CNKSR3: variants seen among roughly 807,000 people sequenced by gnomAD.
The protein encoded by CNKSR3 is connector enhancer of kinase suppressor of ras 3.
CNKSR3 carries 36 observed loss-of-function variants against 67.7 expected under a neutral mutation model. The ratio of observed to expected loss-of-function variants is 0.53; its 90% CI spans 0.41 to 0.70. CNKSR3 has a LOEUF of 0.70. CNKSR3 is among the 30% of genes least tolerant of loss of function. CNKSR3 has a pLI of 0.00. For missense variants in CNKSR3, 630 were observed against 695.2 expected (o/e 0.91, Z 1.05); for synonymous variants, 281 against 271.4 (o/e 1.04, Z -0.35).
chr6:154,420,455 C>T (rs9478540), intron 9 of CNKSR3, among the ~76,000 whole-genome samples: 20,411 of 151,618 alleles, frequency 0.13, 1,527 homozygotes, highest in East Asian at 0.24. Flanking sequence ...TTTGGGAGGC[C>T]GAGGCGGGCG....
intron 1 of CNKSR3, among the ~76,000 whole-genome samples, chr6:154,494,312 G>T (rs1406443554): frequency 6.6e-6 from 1 of 152,130 alleles, no homozygotes; most frequent in African/African-American, 2.4e-5. Context: ...TCACTATCAT[G>T]AGAATAGCAT....
chr6:154,451,479 ACACACACG>A (rs1785826492), intron 1 of CNKSR3, among the ~76,000 whole-genome samples: 1 of 68,320 alleles, frequency 1.5e-5, no homozygotes, highest in Admixed American at 1.7e-4. Flanking sequence ...ACGCGCACAC[ACACACACG>A]CACACACGCA....
chr6:154,414,933 G>GA (rs1299124381), intron 9 of CNKSR3, among the ~76,000 whole-genome samples: 10 of 151,076 alleles, frequency 6.6e-5, no homozygotes, highest in African/African-American at 9.7e-5. Context: ...CAGTCCCTAC[G>GA]AAAAAAATAT....
intron 5 of CNKSR3, among the ~76,000 whole-genome samples, chr6:154,432,223 C>T (rs1215371039): frequency 2.6e-5 from 4 of 152,194 alleles, no homozygotes; most frequent in Non-Finnish European, 4.4e-5. Flanking sequence ...GGCGGTATCT[C>T]ATTGTTGTTT....
rs1784588298 is a variant in CNKSR3, at chr6:154,389,934, G to C, written c.*16420C>G. 6.6e-6 allele frequency: 1 copy of C among 151,998 alleles called. No individual in the cohort carries two copies. Among genetic ancestry groups the C allele is most frequent in the Non-Finnish European group, 1.5e-5 (1 of 67,992 alleles). 9.4% of individuals were successfully genotyped at this position (151,998 alleles called of 1,614,324 possible). On this transcript the variant is annotated 3_prime_UTR_variant, in exon 13 of 13. Coordinates refer to ENST00000607772, the MANE Select transcript of CNKSR3 (RefSeq NM_173515.4). ...CAAATGGAAAGACATTTCATTCCTG[G>C]GCTGTAAGACTTAATATTGCTATTC...
chr6:154,486,355 G>A (rs1427404843), intron 1 of CNKSR3, among the ~76,000 whole-genome samples: 1 of 149,674 alleles, frequency 6.7e-6, no homozygotes, highest in East Asian at 2.0e-4. Flanking sequence ...GAGTGCAGTC[G>A]TGCGATCTCG....
chr6:154,406,359 G>C lies in CNKSR3; in HGVS notation c.1663C>G (p.His555Asp), dbSNP rs547075846. 6.2e-7 allele frequency: 1 copy of C among 1,610,966 alleles called. No individual in the cohort carries two copies. Among genetic ancestry groups the C allele is most frequent in the African/African-American group, 1.3e-5 (1 of 74,876 alleles). ...TGGCCTGAGCAGGGTCCCTCTCAGTGAGTCAACAGTTTGAGGCGCGTAAAC... is the reference window on the plus strand; with the variant it reads ...TGGCCTGAGCAGGGTCCCTCTCAGTCAGTCAACAGTTTGAGGCGCGTAAAC... ...SWFTRLKLLT[H>D] The change falls in exon 13 of 13, where the codon CAC becomes GAC. Residue 555 changes from histidine (H) to aspartate (D), a missense_variant. His to Asp is a moderately conservative substitution (Grantham distance 81). Coordinates refer to ENST00000607772, the MANE Select transcript of CNKSR3 (RefSeq NM_173515.4).
Position 154,405,799 on chromosome 6 carries a change from G to A in CNKSR3, c.*555C>T, listed in dbSNP as rs1293707726. The stretch of plus-strand genomic sequence containing the variant: ...AAAAAGGTATCAAACAAGTGTAACA[G>A]GCCTACACTTAAACCTCTGCCTCAA... On this transcript the variant is annotated 3_prime_UTR_variant, in exon 13 of 13. Transcript: ENST00000607772. 6.4e-6 allele frequency: 1 copy of A among 156,766 alleles called. No homozygotes were observed. The highest frequency in any genetic ancestry group is 1.4e-5 in the Non-Finnish European group (1 of 70,948). 9.7% of individuals were successfully genotyped at this position (156,766 alleles called of 1,614,324 possible).
At chr6:154,467,173 G>A (rs1402227645) in intron 1 of CNKSR3, among the ~76,000 whole-genome samples, 7 of 151,806 alleles carry the variant, frequency 4.6e-5, no homozygotes, top group African/African-American at 1.2e-4. Flanking sequence ...ACCACCGACC[G>A]CATCCTCCCC....
chr6:154,422,185 G>T (rs1371686662), intron 9 of CNKSR3, among the ~76,000 whole-genome samples: 1 of 151,948 alleles, frequency 6.6e-6, no homozygotes, highest in African/African-American at 2.4e-5. Context: ...GTAGAGACGG[G>T]GTTTCACCGT....
At chr6:154,474,380 TCCAGC>T (rs1420120326) in intron 1 of CNKSR3, among the ~76,000 whole-genome samples, 1 of 147,180 alleles carries the variant, frequency 6.8e-6, no homozygotes, top group Non-Finnish European at 1.5e-5. Flanking sequence ...ACCACTGCAC[TCCAGC>T]CCGGGTGACA....
In CNKSR3 at chr6:154,396,075, T is replaced by C. The variant is rs1784658379; in HGVS notation, c.*10279A>G. ...CCTGGTTTCCTCAGGTCCAAATCCCTCTCCTTCAATCAAATGTTATACAAC... is the reference window on the plus strand; with the variant it reads ...CCTGGTTTCCTCAGGTCCAAATCCCCCTCCTTCAATCAAATGTTATACAAC... On this transcript the variant is annotated 3_prime_UTR_variant, in exon 13 of 13. Coordinates refer to ENST00000607772, the MANE Select transcript of CNKSR3 (RefSeq NM_173515.4). 1 of 152,162 alleles carries C rather than the reference T, an allele frequency of 6.6e-6. No individual in the cohort carries two copies. The highest frequency in any genetic ancestry group is 1.5e-5 in the Non-Finnish European group (1 of 68,052). The allele number at this position is 152,162 out of a possible 1,614,324, so 9.4% of individuals were successfully genotyped here.
At chr6:154,509,901 A>C (rs1787179887) in intron 1 of CNKSR3, among the ~76,000 whole-genome samples, 162 bp downstream of exon 1, 1 of 152,140 alleles carries the variant, frequency 6.6e-6, no homozygotes, top group South Asian at 2.1e-4. Flanking sequence ...CAGGTACGAG[A>C]GATAGGAGCG....
intron 1 of CNKSR3, among the ~76,000 whole-genome samples, chr6:154,459,372 TG>T (rs1431344021): frequency 2.0e-5 from 3 of 151,972 alleles, no homozygotes; most frequent in South Asian, 2.1e-4. Context: ...TCTTTCACTT[TG>T]TTTCTGAAAT....
chr6:154,487,866 C>A (rs542925713), intron 1 of CNKSR3, among the ~76,000 whole-genome samples: 12 of 152,190 alleles, frequency 7.9e-5, no homozygotes, highest in African/African-American at 2.9e-4. Context: ...TTGCCAGGGC[C>A]CTAATTTGAA....
At chr6:154,459,739 T>G (rs1301565962) in intron 1 of CNKSR3, among the ~76,000 whole-genome samples, 1 of 152,214 alleles carries the variant, frequency 6.6e-6, no homozygotes, top group Non-Finnish European at 1.5e-5. Flanking sequence ...TTTCACAACA[T>G]AAGTAGAAGA....
At chr6:154,472,409 C>G (rs549997629) in intron 1 of CNKSR3, among the ~76,000 whole-genome samples, 2 of 152,310 alleles carry the variant, frequency 1.3e-5, no homozygotes, top group Non-Finnish European at 2.9e-5. Context: ...ACTCCACTGC[C>G]TCTGTACCTG....
chr6:154,426,635 G>A (rs112217659), intron 7 of CNKSR3, among the ~76,000 whole-genome samples: 4,020 of 152,228 alleles, frequency 0.026, 88 homozygotes, highest in Non-Finnish European at 0.043. Context: ...GATTACAGGC[G>A]TGAGCCACCG....
intron 12 of CNKSR3, among the ~76,000 whole-genome samples, chr6:154,407,801 A>G (rs888003647): frequency 7.3e-6 from 1 of 137,484 alleles, no homozygotes; most frequent in African/African-American, 2.7e-5. Flanking sequence ...AATTTTCTAA[A>G]TTTTCTAAAT....
Sources: allele counts gnomAD v4.1 joint callset (sites outside exome capture counted in the v4.1 genomes callset), GRCh38; gene constraint gnomAD v4.1.1; transcripts MANE v1.5; gene names NCBI Gene and HGNC (gene_info 2026-07-23, HGNC 2026-07-21).